The following FARS2 variants were observed in gnomAD, a reference collection of about 807,000 sequenced individuals.
FARS2 encodes phenylalanine--tRNA ligase, mitochondrial.
Under a neutral mutation model 46.4 loss-of-function variants are expected in FARS2, and 40 were observed. The ratio of observed to expected loss-of-function variants is 0.86; its 90% CI spans 0.67 to 1.12. The LOEUF (loss-of-function observed/expected upper bound fraction) is 1.12. Ranked by LOEUF, FARS2 falls within the 50% of genes most tolerant of loss-of-function variation. The pLI, the probability that FARS2 is intolerant of heterozygous loss-of-function variation, is 0.00. For missense variants in FARS2, 513 were observed against 567.9 expected (o/e 0.90, Z 0.98); for synonymous variants, 234 against 214.9 (o/e 1.09, Z -0.78).
chr6:5,303,195 C>G (rs1311261472), intron 1 of FARS2, among the ~76,000 whole-genome samples: 1 of 152,114 alleles, frequency 6.6e-6, no homozygotes, highest in African/African-American at 2.4e-5. Flanking sequence ...CCTGCTGCTT[C>G]CCTGGCAGGG....
chr6:5,523,725 G>A (rs1032653219), intron 4 of FARS2, among the ~76,000 whole-genome samples: 1 of 152,194 alleles, frequency 6.6e-6, no homozygotes, highest in Non-Finnish European at 1.5e-5. Flanking sequence ...CACACTTTCT[G>A]TGTGTGCCTG....
chr6:5,538,476 C>T (rs757823992), intron 4 of FARS2, among the ~76,000 whole-genome samples: 2 of 152,120 alleles, frequency 1.3e-5, no homozygotes, highest in African/African-American at 2.4e-5. Flanking sequence ...AAGGTTGCCT[C>T]TAAGCTCCGA....
At chr6:5,318,625 A>G (rs1263229225) in intron 1 of FARS2, among the ~76,000 whole-genome samples, 1 of 152,180 alleles carries the variant, frequency 6.6e-6, no homozygotes, top group East Asian at 1.9e-4. Flanking sequence ...TTTAAACGAA[A>G]GTACGCTGCA....
chr6:5,484,620 G>A (rs1443543824), intron 4 of FARS2, among the ~76,000 whole-genome samples: 4 of 152,226 alleles, frequency 2.6e-5, no homozygotes, highest in Non-Finnish European at 5.9e-5. Flanking sequence ...GAAGTCTCAC[G>A]TGTAACCTCT....
intron 6 of FARS2, among the ~76,000 whole-genome samples, chr6:5,666,712 C>T (rs748515973): frequency 6.6e-6 from 1 of 152,180 alleles, no homozygotes; most frequent in Non-Finnish European, 1.5e-5. Flanking sequence ...ACCCAGCAAT[C>T]CCATTGCTGG....
At chr6:5,734,948 C>A (rs529094975) in intron 6 of FARS2, among the ~76,000 whole-genome samples, 60 of 152,296 alleles carry the variant, frequency 3.9e-4, no homozygotes, top group Non-Finnish European at 6.2e-4. Flanking sequence ...TTCTTCTTCT[C>A]ACAACTGCTG....
At chr6:5,770,147 A>G (rs1011145986) in intron 6 of FARS2, among the ~76,000 whole-genome samples, 1 of 152,218 alleles carries the variant, frequency 6.6e-6, no homozygotes, top group African/African-American at 2.4e-5. Flanking sequence ...CTCAGGTGGC[A>G]TCAATGGGAC....
At chr6:5,400,944 T>C (rs548516570) in intron 2 of FARS2, among the ~76,000 whole-genome samples, 1 of 152,116 alleles carries the variant, frequency 6.6e-6, no homozygotes, top group Non-Finnish European at 1.5e-5. Context: ...TGCTCGGTGT[T>C]TTTTTGCTTG....
At chr6:5,492,733 G>C (rs151106914) in intron 4 of FARS2, among the ~76,000 whole-genome samples, 269 of 152,360 alleles carry the variant, frequency 1.8e-3, no homozygotes, top group African/African-American at 6.2e-3. Context: ...AGTAAGCTGA[G>C]AATCTCATAT....
intron 4 of FARS2, among the ~76,000 whole-genome samples, chr6:5,464,959 A>T (rs534770111): frequency 2.7e-4 from 41 of 152,338 alleles, no homozygotes; most frequent in Middle Eastern, 3.4e-3. Flanking sequence ...GGGCTGCAGC[A>T]TGGGGGCCTT....
At chr6:5,266,970 G>C (rs953626441) in intron 1 of FARS2, among the ~76,000 whole-genome samples, 1 of 151,986 alleles carries the variant, frequency 6.6e-6, no homozygotes, top group Non-Finnish European at 1.5e-5. Context: ...GCTTTTTTCA[G>C]ATATACTTAT....
At chr6:5,729,317 T>A (rs1760478044) in intron 6 of FARS2, among the ~76,000 whole-genome samples, 1 of 152,116 alleles carries the variant, frequency 6.6e-6, no homozygotes, top group Admixed American at 6.5e-5. Flanking sequence ...TCTGGAGGTG[T>A]CCAGTTAGGC....
intron 6 of FARS2, among the ~76,000 whole-genome samples, chr6:5,660,959 A>C (rs1777826949): frequency 6.6e-6 from 1 of 152,236 alleles, no homozygotes; most frequent in Non-Finnish European, 1.5e-5. Context: ...TCACACGATC[A>C]GATTTGGTTT....
At chr6:5,674,460 A>AG (rs1778653387) in intron 6 of FARS2, among the ~76,000 whole-genome samples, 1 of 152,226 alleles carries the variant, frequency 6.6e-6, no homozygotes, top group African/African-American at 2.4e-5. Flanking sequence ...TGTAAAGGCC[A>AG]CTGGGAATCG....
intron 4 of FARS2, among the ~76,000 whole-genome samples, chr6:5,511,147 A>G (rs1002899707): frequency 1.3e-5 from 2 of 152,202 alleles, no homozygotes; most frequent in African/African-American, 4.8e-5. Context: ...CAGCACATGA[A>G]TGGTAGAGGG....
chr6:5,766,399 A>G (rs1475116473), intron 6 of FARS2, among the ~76,000 whole-genome samples: 2 of 152,224 alleles, frequency 1.3e-5, no homozygotes, highest in Non-Finnish European at 2.9e-5. Flanking sequence ...CAGGAAAGAC[A>G]TTAAATCGTC....
chr6:5,358,312 C>T (rs996389292), intron 1 of FARS2, among the ~76,000 whole-genome samples: 2 of 150,810 alleles, frequency 1.3e-5, no homozygotes, highest in East Asian at 3.9e-4. Context: ...TATATATGTA[C>T]ATAGTAAGAT....
chr6:5,438,227 A>T, intron 4 of FARS2, among the ~76,000 whole-genome samples: 1 of 80,052 alleles, frequency 1.2e-5, no homozygotes, highest in East Asian at 4.2e-4. Flanking sequence ...GTTACTTTCA[A>T]GGCTTCTACC....
chr6:5,668,024 C>G (rs1440094360), intron 6 of FARS2: 1 of 152,220 alleles, frequency 6.6e-6, no homozygotes. Context: ...GCCCACTTTC[C>G]TTTAATACCC....
Sources: gnomAD v4.1 joint callset for allele counts (sites outside exome capture counted in the v4.1 genomes callset) on GRCh38, gnomAD v4.1.1 for gene constraint, MANE v1.5 for transcripts, NCBI Gene and HGNC (gene_info 2026-07-23, HGNC 2026-07-21) for gene names.